SORD: variants seen among roughly 807,000 people sequenced by gnomAD.
The protein encoded by SORD is sorbitol dehydrogenase, also known as (R,R)-butanediol dehydrogenase.
A neutral mutation model predicts 35.6 loss-of-function variants in SORD; 18 were observed. That is an observed-to-expected ratio of 0.51 (90% CI 0.35 to 0.75). The LOEUF (loss-of-function observed/expected upper bound fraction) is 0.75, where lower values mean the gene tolerates loss of function less well. Ranked by LOEUF, SORD falls within the 30% of genes least tolerant of loss-of-function variation. SORD has a pLI of 0.01. For missense variants in SORD, 250 were observed against 390.2 expected (o/e 0.64, Z 3.03); for synonymous variants, 106 against 152.9 (o/e 0.69, Z 2.26).
chr15:45,062,448 C>T lies in SORD; in HGVS notation c.425+1222C>T, dbSNP rs577368356. Among the ~76,000 whole-genome samples the T allele has an allele frequency of 6.6e-5, 10 of 152,208 alleles. No homozygotes were observed. The South Asian group carries it at 2.1e-3, about 32-fold the overall frequency. On this transcript the variant is annotated intron_variant, in intron 4 of 8. Coordinates refer to ENST00000267814, the MANE Select transcript of SORD (RefSeq NM_003104.6). ...CCCCCTGACCCAACCCAGATGCATTCTTCCCCCACCGCAGCCTGGCCCCAG... is the reference window on the plus strand; with the variant it reads ...CCCCCTGACCCAACCCAGATGCATTTTTCCCCCACCGCAGCCTGGCCCCAG...
Position 45,045,511 on chromosome 15 carries a change from A to C in SORD, c.265+2090A>C, listed in dbSNP as rs569324805. Among the ~76,000 whole-genome samples, 4 of 124,720 alleles carry C rather than the reference A, an allele frequency of 3.2e-5. No individual in the cohort carries two copies. The South Asian group carries it at 1.0e-3, about 33-fold the overall frequency. 81.8% of individuals were successfully genotyped at this position (124,720 alleles called of 152,430 possible). On this transcript the variant is annotated intron_variant, in intron 3 of 8. Transcript: ENST00000267814. Reference sequence around the variant, plus strand: ...TTGTGCCACTGCATGCCAGCTTTCCAGCCTTGGTGAGAGACAGAGCAAGAC... The same window carrying C: ...TTGTGCCACTGCATGCCAGCTTTCCCGCCTTGGTGAGAGACAGAGCAAGAC...
At chr15:45,059,794 C>T (rs566669053) in intron 3 of SORD, among the ~76,000 whole-genome samples, 55 of 152,312 alleles carry the variant, frequency 3.6e-4, no homozygotes, top group Non-Finnish European at 6.6e-4. Context: ...CCACACCTGG[C>T]CAGACAGTTA....
rs374869688 is a variant in SORD at position 45,062,064 on chromosome 15, A to G, written c.425+838A>G. Among the ~76,000 whole-genome samples the G allele has an allele frequency of 4.6e-5, 7 of 152,246 alleles. 1 individual carries two copies. Among genetic ancestry groups the G allele is most frequent in the African/African-American group, 1.7e-4 (7 of 41,580 alleles). The stretch of plus-strand genomic sequence containing the variant: ...AGTTTCATTTAATCGCCAAAATATT[A>G]AATAAGGTGATGCATGGAGAGTCAT... On this transcript the variant is annotated intron_variant, in intron 4 of 8. Coordinates refer to ENST00000267814, the MANE Select transcript of SORD (RefSeq NM_003104.6).
chr15:45,061,305 C>G lies in SORD; in HGVS notation c.425+79C>G, dbSNP rs1436992399. The stretch of plus-strand genomic sequence containing the variant: ...TTGGTGCTGTTTCCTGTGGTTATTT[C>G]TTTATTCTTTTCAGCTCATAATTCC... On this transcript the variant is annotated intron_variant, in intron 4 of 8. Coordinates refer to ENST00000267814, the MANE Select transcript of SORD (RefSeq NM_003104.6). 7 of 1,477,532 alleles carry G rather than the reference C, an allele frequency of 4.7e-6. No homozygotes were observed. In the Admixed American group the frequency reaches 1.1e-4, roughly 23 times the overall value. 91.5% of individuals were successfully genotyped at this position (1,477,532 alleles called of 1,614,324 possible).
intron 5 of SORD, among the ~76,000 whole-genome samples, chr15:45,066,626 A>C (rs1464106260): frequency 1.3e-5 from 2 of 152,188 alleles, no homozygotes; most frequent in Non-Finnish European, 2.9e-5. Context: ...AGCCATCTGG[A>C]ACAGGCCCTA....
intron 5 of SORD, among the ~76,000 whole-genome samples, chr15:45,067,603 A>C (rs1183714380): frequency 6.6e-6 from 1 of 152,158 alleles, no homozygotes; most frequent in Non-Finnish European, 1.5e-5. Context: ...CCATAGTGTC[A>C]CATAGCATGC....
intron 4 of SORD, among the ~76,000 whole-genome samples, chr15:45,061,800 T>C (rs908586648): frequency 2.6e-5 from 4 of 151,708 alleles, no homozygotes; most frequent in South Asian, 2.1e-4. Flanking sequence ...ACACGGGAGG[T>C]GGAGGTTGCA....
intron 1 of SORD, among the ~76,000 whole-genome samples, chr15:45,039,737 T>C (rs1892936038): frequency 6.6e-6 from 1 of 152,198 alleles, no homozygotes; most frequent in South Asian, 2.1e-4. Flanking sequence ...TGTGCTGATG[T>C]AAAGGAAAGA....
At chr15:45,036,681 G>A (rs544837354) in intron 1 of SORD, among the ~76,000 whole-genome samples, 72 of 152,250 alleles carry the variant, frequency 4.7e-4, no homozygotes, top group African/African-American at 1.5e-3. Context: ...TAGCCTGAGT[G>A]CAGTGACATC....
At chr15:45,034,902 T>G (rs1425729795) in intron 1 of SORD, among the ~76,000 whole-genome samples, 1 of 152,150 alleles carries the variant, frequency 6.6e-6, no homozygotes, top group Non-Finnish European at 1.5e-5. Context: ...CGGGTAGGCG[T>G]GGGCTTGGCG....
chr15:45,071,021 G>A (rs1312640198), intron 7 of SORD, among the ~76,000 whole-genome samples: 1 of 152,236 alleles, frequency 6.6e-6, no homozygotes, highest in Non-Finnish European at 1.5e-5. Flanking sequence ...CAATGAGCAG[G>A]CTAGGTGGCT....
intron 4 of SORD, among the ~76,000 whole-genome samples, chr15:45,062,455 C>G (rs1893334014): frequency 1.3e-5 from 2 of 152,060 alleles, no homozygotes; most frequent in African/African-American, 4.8e-5. Flanking sequence ...ATTCTTCCCC[C>G]ACCGCAGCCT....
intron 4 of SORD, among the ~76,000 whole-genome samples, chr15:45,063,500 G>C (rs1012663051): frequency 2.0e-5 from 3 of 151,996 alleles, no homozygotes; most frequent in African/African-American, 7.3e-5. Context: ...CAGTGGCAGC[G>C]GGGCTGGCCT....
intron 7 of SORD, 106 bp downstream of exon 7, chr15:45,069,158 A>C (rs1893462357): frequency 1.6e-6 from 1 of 609,858 alleles, no homozygotes; most frequent in Non-Finnish European, 2.5e-6. Context: ...CCCCAAGCCA[A>C]ACTTATTCAT....
chr15:45,038,317 C>T (rs1227486054), intron 1 of SORD, among the ~76,000 whole-genome samples: 3 of 152,156 alleles, frequency 2.0e-5, no homozygotes, highest in African/African-American at 7.2e-5. Flanking sequence ...GGGTGGGTTC[C>T]TCAGTCTCAT....
chr15:45,032,569 A>G (rs1207069768), intron 1 of SORD, among the ~76,000 whole-genome samples: 32 of 152,108 alleles, frequency 2.1e-4, no homozygotes, highest in African/African-American at 5.3e-4. Context: ...TGTAGTTGGA[A>G]GTGAGATGGG....
intron 1 of SORD, among the ~76,000 whole-genome samples, 178 bp downstream of exon 1, chr15:45,023,527 C>G (rs188567047): frequency 6.6e-6 from 1 of 152,362 alleles, no homozygotes; most frequent in African/African-American, 2.4e-5. Context: ...GTGGCTGTTG[C>G]GAAGGGCAGG....
At chr15:45,068,333 C>A in intron 6 of SORD, 87 bp downstream of exon 6, 3 of 959,438 alleles carry the variant, frequency 3.1e-6, no homozygotes, top group Non-Finnish European at 5.1e-6. Context: ...TTATCTGTGA[C>A]AGTGTGGAGG....
chr15:45,026,551 G>A (rs541064232), intron 1 of SORD, among the ~76,000 whole-genome samples: 2 of 148,670 alleles, frequency 1.3e-5, no homozygotes, highest in African/African-American at 5.1e-5. Context: ...GGCCGATTTA[G>A]GTATACAGGG....
Sources: gnomAD v4.1 joint callset for allele counts (sites outside exome capture counted in the v4.1 genomes callset) on GRCh38, gnomAD v4.1.1 for gene constraint, MANE v1.5 for transcripts, NCBI Gene and HGNC (gene_info 2026-07-23, HGNC 2026-07-21) for gene names.